Variants in PCDHA5 observed in about 807,000 individuals in gnomAD.
The protein encoded by PCDHA5 is protocadherin alpha 5, also known as protocadherin alpha-5.
A neutral mutation model predicts 61.6 loss-of-function variants in PCDHA5; 43 were observed. That is an observed-to-expected ratio of 0.70 (90% CI 0.55 to 0.90). PCDHA5 has a LOEUF of 0.90. PCDHA5 is among the 40% of genes least tolerant of loss of function. The pLI, the probability that PCDHA5 is intolerant of heterozygous loss-of-function variation, is 0.00. For missense variants in PCDHA5, 1,298 were observed against 1,222.7 expected (o/e 1.06, Z -0.92); for synonymous variants, 627 against 543.9 (o/e 1.15, Z -2.13).
chr5:140,857,900 C>A, intron 1 of PCDHA5: 2 of 1,597,730 alleles, frequency 1.3e-6, no homozygotes, highest in African/African-American at 1.3e-5. Context: ...GGTTGGTGCA[C>A]GCATCCCGTT....
Position 140,823,485 on chromosome 5 carries a change from T to C in PCDHA5, c.1710T>C (p.Gly570=). 1 of 1,613,360 alleles carries C rather than the reference T, an allele frequency of 6.2e-7. No individual in the cohort carries two copies. Among genetic ancestry groups the C allele is most frequent in the South Asian group, 1.1e-5 (1 of 91,022 alleles). Residue 570 remains glycine (G), a synonymous_variant, in exon 1 of 4, where the codon GGT becomes GGC. Coordinates refer to ENST00000529859, the MANE Select transcript of PCDHA5 (RefSeq NM_018908.3). ...NAPALLVPRV[G]GTGGAVSELV... ...CGGCGCTGCTGGTGCCTCGAGTGGG[T>C]GGCACCGGCGGCGCAGTGAGCGAGC...
At chr5:140,869,986 G>T (rs781968863) in intron 1 of PCDHA5, 4 of 1,613,322 alleles carry the variant, frequency 2.5e-6, no homozygotes, top group Admixed American at 1.7e-5. Context: ...ATTTACACTA[G>T]ATCAAAATAA....
rs75101825 is a variant in PCDHA5, at chr5:140,914,430, C to A, written c.2353-64519C>A. On this transcript the variant is annotated intron_variant, in intron 1 of 3. Coordinates refer to ENST00000529859, the MANE Select transcript of PCDHA5 (RefSeq NM_018908.3). ...TTTTGTTTCCATTAGCAAGGAATAT[C>A]TTTTCCCATGTCTTTATTTTCCAGT... Among the ~76,000 whole-genome samples the A allele has an allele frequency of 8.0e-3, 1,215 of 152,204 alleles. 6 individuals carry two copies. Among genetic ancestry groups the A allele is most frequent in the African/African-American group, 0.019 (784 of 41,536 alleles).
intron 1 of PCDHA5, chr5:140,876,776 T>C: frequency 1.2e-6 from 2 of 1,614,212 alleles, no homozygotes; most frequent in Non-Finnish European, 1.7e-6. Context: ...TCGCCTTCGC[T>C]GTGGGCCACG....
intron 1 of PCDHA5, among the ~76,000 whole-genome samples, chr5:140,915,256 T>C (rs782716023): frequency 1.3e-5 from 2 of 152,162 alleles, no homozygotes; most frequent in Non-Finnish European, 2.9e-5. Flanking sequence ...CAGGTTGTTA[T>C]TATTTTTGAC....
rs1554128830 is a variant in PCDHA5, at chr5:140,822,720, T to G, written c.945T>G (p.Tyr315Ter). ...TGGATTATGAAGACTATAACTCATA[T>G]GAAATTAATATTGATGCCATGGATA... ...GELDYEDYNS[Y>*]EINIDAMDKS... is the part of the protein sequence containing the mutation. Residue 315 changes from tyrosine (Y) to a stop codon, truncating the protein, a stop_gained, in exon 1 of 4, where the codon TAT (tyrosine) becomes TAG (stop). Transcript: ENST00000529859. LOFTEE classifies it high-confidence loss of function. The G allele has an allele frequency of 6.2e-7, 1 of 1,611,974 alleles. No individual in the cohort carries two copies. The highest frequency in any genetic ancestry group is 1.3e-5 in the African/African-American group (1 of 74,880).
chr5:140,899,127 C>T (rs1487430888), intron 1 of PCDHA5, among the ~76,000 whole-genome samples: 16 of 152,302 alleles, frequency 1.1e-4, no homozygotes, highest in African/African-American at 3.9e-4. Context: ...ACAATCATGT[C>T]TTCTGCAAAC....
At chr5:140,850,905 A>G in intron 1 of PCDHA5, 1 of 1,550,536 alleles carries the variant, frequency 6.4e-7, no homozygotes, top group Non-Finnish European at 8.7e-7. Context: ...TTTTTCTAGC[A>G]TTTTATTTAT....
chr5:140,968,588 A>G (rs1554230894), intron 1 of PCDHA5: 1 of 1,614,180 alleles, frequency 6.2e-7, no homozygotes, highest in South Asian at 1.1e-5. Flanking sequence ...CACCAAAGTC[A>G]TAGCTATGGA....
At chr5:141,000,558 G>A (rs1462892656) in intron 3 of PCDHA5, among the ~76,000 whole-genome samples, 1 of 149,136 alleles carries the variant, frequency 6.7e-6, no homozygotes, top group Admixed American at 6.8e-5. Flanking sequence ...CTCCCGAGTA[G>A]CTGGGATTAC....
intron 1 of PCDHA5, among the ~76,000 whole-genome samples, chr5:140,946,631 T>TATATATATACAC (rs57893927): frequency 0.012 from 1,602 of 131,782 alleles, 27 homozygotes; most frequent in South Asian, 0.028. Flanking sequence ...TATATATATA[T>TATATATATACAC]ACAATGGAAT....
intron 1 of PCDHA5, chr5:140,836,157 G>A (rs2150254365): frequency 1.2e-6 from 2 of 1,613,822 alleles, no homozygotes; most frequent in Admixed American, 1.7e-5. Flanking sequence ...CCATGTGGTG[G>A]CGAAGGTACG....
chr5:140,841,934 G>T lies in PCDHA5; in HGVS notation c.2352+17807G>T, dbSNP rs1281777181. 5 of 1,613,780 alleles carry T rather than the reference G, an allele frequency of 3.1e-6. No individual in the cohort carries two copies. In the African/African-American group the frequency reaches 6.7e-5, roughly 22 times the overall value. ...AAGAAAATCCTTGGACAGAGAGGAC[G>T]CTCCTGCGCACCACTTATTCCTGAC... On this transcript the variant is annotated intron_variant, in intron 1 of 3. Transcript: ENST00000529859.
At chr5:140,848,866 A>G (rs200652127) in intron 1 of PCDHA5, 6 of 1,590,776 alleles carry the variant, frequency 3.8e-6, no homozygotes, top group Admixed American at 1.7e-5. Flanking sequence ...GTGGAGGTGA[A>G]GGACATTAAC....
chr5:140,884,443 A>G (rs568353165), intron 1 of PCDHA5: 2 of 1,613,454 alleles, frequency 1.2e-6, no homozygotes, highest in South Asian at 2.2e-5. Flanking sequence ...GGTGCTCGGC[A>G]CCGCCCACCG....
intron 2 of PCDHA5, among the ~76,000 whole-genome samples, chr5:140,979,495 G>A (rs1405180713): frequency 6.6e-6 from 1 of 151,840 alleles, no homozygotes; most frequent in Non-Finnish European, 1.5e-5. Context: ...ACCTATTAGA[G>A]CCTCCTCATC....
intron 1 of PCDHA5, among the ~76,000 whole-genome samples, chr5:140,832,585 T>C (rs1306103831): frequency 6.6e-6 from 1 of 152,188 alleles, no homozygotes; most frequent in African/African-American, 2.4e-5. Context: ...TCTTAGGAAG[T>C]AGAGAACTAT....
intron 1 of PCDHA5, chr5:140,835,747 T>C: frequency 6.2e-7 from 1 of 1,613,592 alleles, no homozygotes; most frequent in Non-Finnish European, 8.5e-7. Flanking sequence ...GCCCCGGCGT[T>C]CGCGCAGCCC....
chr5:141,006,726 A>G (rs2098284944), intron 3 of PCDHA5, among the ~76,000 whole-genome samples: 1 of 152,172 alleles, frequency 6.6e-6, no homozygotes, highest in African/African-American at 2.4e-5. Flanking sequence ...CAGAAATGAC[A>G]GGTCTTGATG....
Sources: gnomAD v4.1 joint callset for allele counts (sites outside exome capture counted in the v4.1 genomes callset) on GRCh38, gnomAD v4.1.1 for gene constraint, MANE v1.5 for transcripts, NCBI Gene and HGNC (gene_info 2026-07-23, HGNC 2026-07-21) for gene names.